The following TACC1 variants were observed in gnomAD, a reference collection of about 807,000 sequenced individuals.
TACC1 encodes transforming acidic coiled-coil-containing protein 1.
Under a neutral mutation model 84.4 loss-of-function variants are expected in TACC1, and 48 were observed. The observed-to-expected ratio is 0.57, with a 90% CI of 0.45 to 0.72. TACC1 has a LOEUF of 0.72. TACC1 is among the 30% of genes least tolerant of loss of function. The pLI, the probability that TACC1 is intolerant of heterozygous loss-of-function variation, is 0.00. For missense variants in TACC1, 920 were observed against 973.0 expected (o/e 0.95, Z 0.72); for synonymous variants, 372 against 376.3 (o/e 0.99, Z 0.13).
chr8:38,769,906 GGT>G (rs904118409), intron 3 of TACC1, among the ~76,000 whole-genome samples: 7 of 150,104 alleles, frequency 4.7e-5, no homozygotes, highest in South Asian at 2.1e-4. Flanking sequence ...GAGGGTGTGT[GGT>G]GTGTGTGTGA....
chr8:38,773,066 G>A (rs1563378092), intron 3 of TACC1, among the ~76,000 whole-genome samples: 1 of 152,030 alleles, frequency 6.6e-6, no homozygotes. Flanking sequence ...GGTGGCTCAC[G>A]CCTGTAATCC....
At chr8:38,743,432 G>T (rs1302096165) in intron 2 of TACC1, among the ~76,000 whole-genome samples, 1 of 152,102 alleles carries the variant, frequency 6.6e-6, no homozygotes, top group Non-Finnish European at 1.5e-5. Flanking sequence ...GATAATGGTT[G>T]GGGGGCAGTT....
chr8:38,751,410 T>C (rs1158578435), intron 3 of TACC1, among the ~76,000 whole-genome samples: 1 of 152,256 alleles, frequency 6.6e-6, no homozygotes, highest in African/African-American at 2.4e-5. Flanking sequence ...GGCCATTTTC[T>C]AGCTATGTGG....
At chr8:38,772,046 A>C (rs1813736408) in intron 3 of TACC1, among the ~76,000 whole-genome samples, 1 of 152,106 alleles carries the variant, frequency 6.6e-6, no homozygotes, top group Non-Finnish European at 1.5e-5. Context: ...AGAGAGAGAG[A>C]GAGAGAGGAA....
At chr8:38,771,774 TGC>T (rs1813665363) in intron 3 of TACC1, among the ~76,000 whole-genome samples, 1 of 152,174 alleles carries the variant, frequency 6.6e-6, no homozygotes, top group South Asian at 2.1e-4. Context: ...CTTGCTCTGT[TGC>T]ATGGGCTGTA....
intron 3 of TACC1, among the ~76,000 whole-genome samples, chr8:38,768,021 T>C (rs532795296): frequency 6.7e-6 from 1 of 149,680 alleles, no homozygotes; most frequent in East Asian, 2.0e-4. Context: ...TGAGATGAGA[T>C]TGTGCCACTG....
chr8:38,827,248 C>T lies in TACC1; in HGVS notation c.1533C>T (p.Ser511=). 6.2e-7 allele frequency: 1 copy of T among 1,614,142 alleles called. No homozygotes were observed. The highest frequency in any genetic ancestry group is 8.5e-7 in the Non-Finnish European group (1 of 1,180,028). ...GHATDEEKLA[S]TSCGQKSAGA... is the part of the protein sequence containing the mutation. Reference sequence around the variant, plus strand: ...CTACTGATGAGGAGAAACTGGCATCCACGTCATGTGGTCAGAAATCAGCTG... The same window carrying T: ...CTACTGATGAGGAGAAACTGGCATCTACGTCATGTGGTCAGAAATCAGCTG... The change falls in exon 5 of 13, where the codon TCC becomes TCT. Residue 511 remains serine, a synonymous_variant. Transcript: ENST00000317827.
upstream of TACC1, chr8:38,785,865 G>A: frequency 3.0e-6 from 1 of 338,790 alleles, no homozygotes; most frequent in Non-Finnish European, 4.2e-6. Flanking sequence ...GAAGAAGCCA[G>A]GATGAATTCG....
Position 38,820,128 on chromosome 8 carries a change from C to T in TACC1, c.884C>T (p.Pro295Leu), listed in dbSNP as rs1482558443. Residue 295 changes from proline (P) to leucine (L), a missense_variant, in exon 3 of 13, where the codon CCC becomes CTC. By Grantham distance (98) the Pro-to-Leu change is moderately conservative. Coordinates refer to ENST00000317827, the MANE Select transcript of TACC1 (RefSeq NM_006283.3). ...QKSPPDLKET[P>L]GTLSSDTNDS... is the part of the protein sequence containing the mutation. ...TCTCCCCCTGACCTTAAAGAAACTC[C>T]CGGCACTCTCAGTAGTGACACCAAC... is the stretch of plus-strand genomic sequence containing the variant. The T allele has an allele frequency of 6.2e-7, 1 of 1,614,098 alleles. No homozygotes were observed. Among genetic ancestry groups the T allele is most frequent in the South Asian group, 1.1e-5 (1 of 91,078 alleles).
chr8:38,847,882 G>T, intron 12 of TACC1, 73 bp from the exon 13 acceptor site: 1 of 1,261,952 alleles, frequency 7.9e-7, no homozygotes, highest in Non-Finnish European at 1.2e-6. Context: ...TCCAGACTTG[G>T]GACTAGTTAA....
chr8:38,840,555 TCA>T (rs2152317224), intron 9 of TACC1: 1 of 252,706 alleles, frequency 4.0e-6, no homozygotes, highest in Non-Finnish European at 7.6e-6. Context: ...CTGAACATAC[TCA>T]CACACTGGGG....
chr8:38,819,196 C>A (rs1019833656), intron 2 of TACC1, among the ~76,000 whole-genome samples: 3 of 152,206 alleles, frequency 2.0e-5, no homozygotes, highest in African/African-American at 7.2e-5. Flanking sequence ...CCAGTTTTAC[C>A]CTACAGAATG....
chr8:38,729,727 G>A (rs1804549092), intron 1 of TACC1, among the ~76,000 whole-genome samples: 1 of 152,040 alleles, frequency 6.6e-6, no homozygotes, highest in East Asian at 1.9e-4. Flanking sequence ...AAATTAGCTG[G>A]GCGTGGTGGC....
exon 3 of TACC1, chr8:38,745,070 T>C (rs963014740): frequency 6.2e-6 from 1 of 161,196 alleles, no homozygotes; most frequent in African/African-American, 2.4e-5. Context: ...ATGTAGGCTA[T>C]GCATTCTGGG....
intron 11 of TACC1, among the ~76,000 whole-genome samples, chr8:38,844,415 C>A (rs952545096): frequency 1.3e-5 from 2 of 152,080 alleles, no homozygotes; most frequent in African/African-American, 4.8e-5. Context: ...CTCAGGTGAT[C>A]CGCCCGCCTC....
upstream of TACC1, among the ~76,000 whole-genome samples, chr8:38,783,216 T>G (rs1587631123): frequency 6.6e-6 from 1 of 151,076 alleles, no homozygotes; most frequent in African/African-American, 2.4e-5. Context: ...GTGACCTAGG[T>G]TGAATGGTAT....
intron 5 of TACC1, among the ~76,000 whole-genome samples, chr8:38,828,255 A>G (rs921134008): frequency 2.6e-5 from 4 of 152,224 alleles, no homozygotes; most frequent in African/African-American, 9.7e-5. Context: ...ACTTCTTCAG[A>G]GAAACAAAGT....
chr8:38,732,158 AAGG>A (rs1805060003), intron 1 of TACC1, among the ~76,000 whole-genome samples: 1 of 135,420 alleles, frequency 7.4e-6, no homozygotes, highest in African/African-American at 3.2e-5. Context: ...GAAAAGAAGA[AAGG>A]AAGGAAGGAA....
chr8:38,808,232 A>G (rs1823218541), intron 2 of TACC1, among the ~76,000 whole-genome samples: 1 of 152,198 alleles, frequency 6.6e-6, no homozygotes, highest in Non-Finnish European at 1.5e-5. Flanking sequence ...GTAAAAATGG[A>G]AAGGCACATG....
Sources: allele counts gnomAD v4.1 joint callset (sites outside exome capture counted in the v4.1 genomes callset), GRCh38; gene constraint gnomAD v4.1.1; transcripts MANE v1.5; gene names NCBI Gene and HGNC (gene_info 2026-07-23, HGNC 2026-07-21).